PGM2: variants seen among roughly 807,000 people sequenced by gnomAD.
PGM2 encodes the protein phosphopentomutase.
PGM2 carries 57 observed loss-of-function variants against 74.6 expected under a neutral mutation model. The observed-to-expected ratio is 0.76, with a 90% CI of 0.62 to 0.95. The LOEUF is 0.95. Among genes scored for constraint, PGM2 ranks in the 40% least tolerant of loss-of-function variants. The probability of loss-of-function intolerance (pLI) is 0.00; values close to 1 mark genes in which losing one functional copy is unlikely to be tolerated. For missense variants in PGM2, 706 were observed against 741.9 expected, an observed-to-expected ratio of 0.95 and a Z score of 0.56; for synonymous variants, 273 against 260.7, an observed-to-expected ratio of 1.05 and a Z score of -0.46.
chr4:37,837,597 C>A lies in PGM2; in HGVS notation c.425C>A (p.Thr142Lys), dbSNP rs780244066. 1 of 1,608,550 alleles carries A rather than the reference C, an allele frequency of 6.2e-7. No individual in the cohort carries two copies. The highest frequency in any genetic ancestry group is 2.2e-5 in the East Asian group (1 of 44,852). ...CCTGTGTACCTCTTTTCTGATATAACGCCAACCCCCTTTGTGGTAAGTAGC... is the reference window on the plus strand; with the variant it reads ...CCTGTGTACCTCTTTTCTGATATAAAGCCAACCCCCTTTGTGGTAAGTAGC... ...GIPVYLFSDI[T>K]PTPFVPFTVS... Residue 142 changes from threonine (T) to lysine (K), a missense_variant, in exon 4 of 14, where the codon ACG becomes AAG. Physicochemically the swap from Thr to Lys is moderately conservative, Grantham distance 78 (BLOSUM62 -1). This residue lies in a region of PGM2 where 332 missense variants were observed against 334.9 expected (regional missense o/e 0.99). Transcript: ENST00000381967.
chr4:37,856,550 G>A (rs1726204690), intron 13 of PGM2, among the ~76,000 whole-genome samples: 1 of 150,762 alleles, frequency 6.6e-6, no homozygotes, highest in South Asian at 2.1e-4. Flanking sequence ...GTAGCTTCAG[G>A]TTCAAGTTTC....
In PGM2 at chr4:37,862,282, CT is replaced by C. The variant is rs560529172; in HGVS notation, c.*675del. On this transcript the variant is annotated 3_prime_UTR_variant, in exon 14 of 14. Coordinates refer to ENST00000381967, the MANE Select transcript of PGM2 (RefSeq NM_018290.4). ...CTTTGTTTAATGTGTTGAAACTCAT[CT>C]TTTTAAATCTTGAAAAACCAATTGT... 8 of 152,210 alleles carry C rather than the reference CT, an allele frequency of 5.3e-5. No individual in the cohort carries two copies. In the South Asian group the frequency reaches 1.7e-3, roughly 31 times the overall value. The allele number at this position is 152,210 out of a possible 1,614,324, so 9.4% of individuals were successfully genotyped here.
intron 13 of PGM2, among the ~76,000 whole-genome samples, chr4:37,859,900 G>C (rs1340515655): frequency 6.6e-6 from 1 of 152,108 alleles, no homozygotes; most frequent in African/African-American, 2.4e-5. Flanking sequence ...TATAGGATGT[G>C]TCCTGTTATT....
In PGM2 at chr4:37,855,818, A is replaced by G; in HGVS notation, c.1736+77A>G. The stretch of plus-strand genomic sequence containing the variant: ...TGGTTCTATTCAAATGCCAAGTGAA[A>G]TGTTCCATCTTTCTAATAGGTAATT... On this transcript the variant is annotated intron_variant, in intron 13 of 13. Transcript: ENST00000381967. 2.4e-6 allele frequency: 3 copies of G among 1,226,960 alleles called. No homozygotes were observed. The Middle Eastern group carries it at 6.0e-4, about 245-fold the overall frequency. The allele number at this position is 1,226,960 out of a possible 1,614,324, so 76.0% of individuals were successfully genotyped here. A position where few individuals can be genotyped will look rare whatever the true frequency, so the allele number is the denominator to read the frequency against.
intron 13 of PGM2, among the ~76,000 whole-genome samples, chr4:37,857,768 A>G (rs1477347649): frequency 1.3e-5 from 2 of 152,244 alleles, no homozygotes; most frequent in African/African-American, 4.8e-5. Flanking sequence ...AAGTGAACAT[A>G]TAAAAGCTCA....
At chr4:37,850,055 T>C in intron 11 of PGM2, 129 bp from the exon 12 acceptor site, 1 of 567,400 alleles carries the variant, frequency 1.8e-6, no homozygotes. Context: ...CACAAAGTGC[T>C]GGGATTACAG....
chr4:37,848,447 A>G, intron 10 of PGM2, 75 bp from the exon 11 acceptor site: 1 of 1,293,784 alleles, frequency 7.7e-7, no homozygotes, highest in Non-Finnish European at 1.1e-6. Context: ...TCTAATATGC[A>G]ATAGCCAGGA....
intron 13 of PGM2, among the ~76,000 whole-genome samples, 170 bp downstream of exon 13, chr4:37,855,911 G>A (rs1293372711): frequency 6.6e-6 from 1 of 152,098 alleles, no homozygotes; most frequent in Admixed American, 6.5e-5. Context: ...CAGCATCCAG[G>A]GAAAAGCTTA....
intron 4 of PGM2, chr4:37,839,418 C>G (rs1725646406): frequency 5.2e-6 from 2 of 381,712 alleles, no homozygotes; most frequent in Admixed American, 3.3e-5. Flanking sequence ...CCTGGCCCCT[C>G]AGTGTTTTCC....
chr4:37,853,736 G>A (rs886447177), intron 12 of PGM2, among the ~76,000 whole-genome samples: 4 of 152,164 alleles, frequency 2.6e-5, no homozygotes, highest in African/African-American at 9.7e-5. Flanking sequence ...GGCCCTGGAG[G>A]CATGACTGGG....
intron 1 of PGM2, 41 bp from the exon 2 acceptor site, chr4:37,829,923 A>T (rs1210246601): frequency 7.6e-7 from 1 of 1,314,964 alleles, no homozygotes; most frequent in South Asian, 1.6e-5. Context: ...CTGATTTTTC[A>T]TTCACTTGTC....
Position 37,855,717 on chromosome 4 carries a change from A to C in PGM2, c.1712A>C (p.Glu571Ala). 1 of 1,612,520 alleles carries C rather than the reference A, an allele frequency of 6.2e-7. No homozygotes were observed. Among genetic ancestry groups the C allele is most frequent in the Non-Finnish European group, 8.5e-7 (1 of 1,179,452 alleles). The change falls in exon 13 of 14, where the codon GAG becomes GCG. Residue 571 changes from glutamate to alanine, a missense_variant. By Grantham distance (107) the Glu-to-Ala change is moderately radical. This residue lies in a region of PGM2 where 359 missense variants were observed against 371.1 expected (regional missense o/e 0.97). Coordinates refer to ENST00000381967, the MANE Select transcript of PGM2 (RefSeq NM_018290.4). ...GTEPKIKYYA[E>A]LCAPPGNSDP... ...GAGCCCAAAATCAAGTACTATGCAGAGCTGTGTGCCCCACCTGGGAACAGG... is the reference window on the plus strand; with the variant it reads ...GAGCCCAAAATCAAGTACTATGCAGCGCTGTGTGCCCCACCTGGGAACAGG...
At chr4:37,836,470 T>C (rs550114176) in intron 3 of PGM2, among the ~76,000 whole-genome samples, 5 of 152,362 alleles carry the variant, frequency 3.3e-5, no homozygotes, top group Non-Finnish European at 7.3e-5. Flanking sequence ...TTTAAATATC[T>C]GGTGGGGAAC....
chr4:37,856,256 G>A (rs5019416), intron 13 of PGM2, among the ~76,000 whole-genome samples: 150,951 of 151,064 alleles, frequency 1, 75,419 homozygotes, highest in Middle Eastern at 1. Flanking sequence ...GTGGTGGCGG[G>A]CGCCTGTAGT....
intron 12 of PGM2, among the ~76,000 whole-genome samples, chr4:37,853,167 T>C (rs189694308): frequency 1.3e-5 from 2 of 152,290 alleles, no homozygotes; most frequent in Non-Finnish European, 2.9e-5. Flanking sequence ...AAACAGTGTC[T>C]TGCTCTTTCA....
intron 12 of PGM2, among the ~76,000 whole-genome samples, chr4:37,851,978 T>TTTTTTTTTTTTTTTTG (rs1434216572): frequency 1.4e-5 from 2 of 147,696 alleles, no homozygotes; most frequent in Admixed American, 6.7e-5. Flanking sequence ...TTCTTTTTTT[T>TTTTTTTTTTTTTTTTG]TGGAGACAGG....
At chr4:37,850,462 G>A (rs1032150489) in intron 12 of PGM2, 89 bp downstream of exon 12, 1 of 842,804 alleles carries the variant, frequency 1.2e-6, no homozygotes, top group Non-Finnish European at 1.7e-6. Flanking sequence ...ACAATTAATT[G>A]AAGCTGATTT....
chr4:37,828,452 C>T (rs1443748030), intron 1 of PGM2, among the ~76,000 whole-genome samples: 1 of 152,036 alleles, frequency 6.6e-6, no homozygotes, highest in Non-Finnish European at 1.5e-5. Flanking sequence ...AGTGAACCTC[C>T]CACCAGCTAA....
intron 2 of PGM2, 48 bp downstream of exon 2, chr4:37,830,179 C>A: frequency 7.6e-7 from 1 of 1,322,810 alleles, no homozygotes; most frequent in South Asian, 1.6e-5. Flanking sequence ...TCCCCTAGCT[C>A]ATTTTCTATT....
Sources: gnomAD v4.1 joint callset for allele counts (sites outside exome capture counted in the v4.1 genomes callset) on GRCh38, gnomAD v4.1.1 for gene constraint, gnomAD v4.1.1 regional missense constraint, MANE v1.5 for transcripts, NCBI Gene and HGNC (gene_info 2026-07-23, HGNC 2026-07-21) for gene names.